IARS1: variants seen among roughly 807,000 people sequenced by gnomAD.
IARS1 encodes isoleucyl-tRNA synthetase 1.
In IARS1, 124 loss-of-function variants were observed where a neutral mutation model predicts 168.2. The ratio of observed to expected loss-of-function variants is 0.74; its 90% confidence interval spans 0.64 to 0.86. IARS1 has a LOEUF of 0.86. IARS1 is among the 40% of genes least tolerant of loss of function. The pLI is 0.00. For missense variants in IARS1, 1,452 were observed against 1,515.8 expected (o/e 0.96, Z 0.70); for synonymous variants, 532 against 529.4 (o/e 1.00, Z -0.07).
chr9:92,221,208 A>G (rs953306127), intron 33 of IARS1, among the ~76,000 whole-genome samples: 8 of 152,166 alleles, frequency 5.3e-5, no homozygotes, highest in African/African-American at 9.6e-5. Flanking sequence ...GGAAAAGAGA[A>G]TAAGAGGTAG....
chr9:92,245,111 CTCT>C (rs1828996711), intron 26 of IARS1, 40 bp from the exon 27 acceptor site: 2 of 1,503,084 alleles, frequency 1.3e-6, no homozygotes, highest in East Asian at 4.5e-5. Context: ...GCTTCCCCTC[CTCT>C]TCAAGCTGCC....
intron 33 of IARS1, among the ~76,000 whole-genome samples, chr9:92,219,532 T>G (rs1456403095): frequency 6.6e-6 from 1 of 150,700 alleles, no homozygotes; most frequent in Non-Finnish European, 1.5e-5. Context: ...GACAAAGGGC[T>G]AATATCCAGA....
intron 31 of IARS1, among the ~76,000 whole-genome samples, chr9:92,225,197 C>A (rs970089201): frequency 6.6e-6 from 1 of 152,202 alleles, no homozygotes; most frequent in African/African-American, 2.4e-5. Context: ...AAGGATTTGC[C>A]ACTGTCACCT....
At chr9:92,276,643 C>A (rs1056642527) in intron 9 of IARS1, among the ~76,000 whole-genome samples, 3 of 152,184 alleles carry the variant, frequency 2.0e-5, no homozygotes, top group Non-Finnish European at 2.9e-5. Context: ...CAGACTCTCC[C>A]CACACGGAAC....
rs749294734 is a variant in IARS1 at position 92,269,991 on chromosome 9, A to G, written c.1206-8T>C. ...ATTAGAGGAGTGTCTGATCTGGGGA[A>G]GCAGAAACACACACATAGCTGCTCA... On this transcript the variant is annotated splice_region_variant and splice_polypyrimidine_tract_variant and intron_variant, in intron 12 of 33. Transcript: ENST00000443024. 38 of 1,591,920 alleles carry G rather than the reference A, an allele frequency of 2.4e-5. No individual in the cohort carries two copies. Among genetic ancestry groups the G allele is most frequent in the Non-Finnish European group, 3.1e-5 (36 of 1,159,934 alleles).
At chr9:92,284,192 A>C (rs1250528171) in intron 6 of IARS1, among the ~76,000 whole-genome samples, 1 of 151,964 alleles carries the variant, frequency 6.6e-6, no homozygotes, top group Non-Finnish European at 1.5e-5. Flanking sequence ...CAACAACAAC[A>C]ACAAAAAGGT....
chr9:92,280,814 G>C lies in IARS1; in HGVS notation c.677C>G (p.Thr226Ser), dbSNP rs1834437450. The C allele has an allele frequency of 6.2e-7, 1 of 1,610,842 alleles. No individual in the cohort carries two copies. Among genetic ancestry groups the C allele is most frequent in the African/African-American group, 1.3e-5 (1 of 74,842 alleles). Reference protein sequence around the residue: ...ETVSLVAWTTTPWTLPSNLAV... With the variant: ...ETVSLVAWTTSPWTLPSNLAV... Reference sequence around the variant, plus strand: ...AAGGTTACTAGGTAGAGTCCAGGGAGTGGTTGTCCAAGCAACTAAAGATAC... The same window carrying C: ...AAGGTTACTAGGTAGAGTCCAGGGACTGGTTGTCCAAGCAACTAAAGATAC... Residue 226 changes from threonine to serine, a missense_variant, in exon 7 of 34, where the codon ACT (threonine) becomes AGT (serine). Coordinates refer to ENST00000443024, the MANE Select transcript of IARS1 (RefSeq NM_002161.6).
chr9:92,279,074 CT>C (rs1458445363), intron 7 of IARS1, among the ~76,000 whole-genome samples: 1 of 152,132 alleles, frequency 6.6e-6, no homozygotes, highest in African/African-American at 2.4e-5. Flanking sequence ...AATTTAAACT[CT>C]CATCATAAGC....
intron 23 of IARS1, 125 bp from the exon 24 acceptor site, chr9:92,250,414 G>A: frequency 4.2e-6 from 3 of 710,220 alleles, no homozygotes; most frequent in South Asian, 1.7e-5. Context: ...TCCTGGTGAA[G>A]CACTGGGGAA....
intron 27 of IARS1, 57 bp from the exon 28 acceptor site, chr9:92,243,368 C>T (rs1828730495): frequency 1.7e-6 from 2 of 1,172,954 alleles, no homozygotes; most frequent in Non-Finnish European, 1.3e-6. Context: ...CACTTCTTCC[C>T]AACTCAGCAA....
chr9:92,267,704 T>C (rs1028575096), intron 14 of IARS1, among the ~76,000 whole-genome samples: 1 of 152,204 alleles, frequency 6.6e-6, no homozygotes, highest in Admixed American at 6.5e-5. Flanking sequence ...AGTGAGGACA[T>C]AGTATATCCA....
At chr9:92,258,043 T>C (rs745382680) in intron 19 of IARS1, among the ~76,000 whole-genome samples, 1 of 152,144 alleles carries the variant, frequency 6.6e-6, no homozygotes, top group Non-Finnish European at 1.5e-5. Context: ...ACAACTATTA[T>C]ATGTGACCCT....
At chr9:92,237,375 T>C (rs1040994522) in intron 30 of IARS1, among the ~76,000 whole-genome samples, 1 of 152,228 alleles carries the variant, frequency 6.6e-6, no homozygotes, top group Non-Finnish European at 1.5e-5. Flanking sequence ...ATAGTTTGAT[T>C]CTACTGTGGT....
chr9:92,221,557 GA>G (rs928499594), intron 33 of IARS1, among the ~76,000 whole-genome samples: 1 of 152,192 alleles, frequency 6.6e-6, no homozygotes, highest in Admixed American at 6.5e-5. Context: ...ATTACAGAAC[GA>G]AACTCAGAGG....
intron 20 of IARS1, among the ~76,000 whole-genome samples, chr9:92,255,429 T>C (rs1830585007): frequency 6.6e-6 from 1 of 152,194 alleles, no homozygotes; most frequent in Admixed American, 6.5e-5. Context: ...CTGTCTGAGG[T>C]GTCCCAGATT....
Position 92,268,299 on chromosome 9 carries a change from C to A in IARS1, c.1306G>T (p.Val436Phe), listed in dbSNP as rs765243077. 12 of 1,608,776 alleles carry A rather than the reference C, an allele frequency of 7.5e-6. No homozygotes were observed. In the South Asian group the frequency reaches 1.2e-4, roughly 16 times the overall value. The change falls in exon 14 of 34, where the codon GTC (valine) becomes TTC (phenylalanine). Residue 436 changes from valine (V) to phenylalanine (F), a missense_variant and splice_region_variant. By Grantham distance (50) the Val-to-Phe change is conservative (BLOSUM62 -1). Coordinates refer to ENST00000443024, the MANE Select transcript of IARS1 (RefSeq NM_002161.6). ...CGTTTTTCTCGTACCAACTCTGGGACCCTGCAATAAACAGATCACATAACC... is the reference window on the plus strand; with the variant it reads ...CGTTTTTCTCGTACCAACTCTGGGAACCTGCAATAAACAGATCACATAACC... Reference protein sequence around the residue: ...LLRNNDLCYWVPELVREKRFG... With the variant: ...LLRNNDLCYWFPELVREKRFG...
rs1262847016 is a variant in IARS1 at position 92,263,027 on chromosome 9, C to T, written c.1729G>A (p.Ala577Thr). Residue 577 changes from alanine (A) to threonine (T), a missense_variant, in exon 17 of 34, where the codon GCC (alanine) becomes ACC (threonine). Coordinates refer to ENST00000443024, the MANE Select transcript of IARS1 (RefSeq NM_002161.6). The stretch of plus-strand genomic sequence containing the variant: ...TTGAAAGGCGGTTGTCCAAAGAGGG[C>T]CGTGGCCAGCACCAGCAGGGTATAA... ...WFYTLLVLAT[A>T]LFGQPPFKNV... The T allele has an allele frequency of 6.2e-7, 1 of 1,613,962 alleles. No individual in the cohort carries two copies. Among genetic ancestry groups the T allele is most frequent in the Non-Finnish European group, 8.5e-7 (1 of 1,179,894 alleles).
At position 92,214,764 on chromosome 9, in the gene IARS1, G is replaced by A. The variant is rs1838357055; in HGVS notation, c.3707-3875C>T. On this transcript the variant is annotated intron_variant, in intron 33 of 33. Transcript: ENST00000443024. Reference sequence around the variant, plus strand: ...GATTATACCCCGCACCTAGCTCGGAGGGTCCTACGCCCACGGAGTCTCGCT... The same window carrying A: ...GATTATACCCCGCACCTAGCTCGGAAGGTCCTACGCCCACGGAGTCTCGCT... 2.6e-5 allele frequency among the ~76,000 whole-genome samples: 4 copies of A among 152,266 alleles called. No homozygotes were observed. In the South Asian group the frequency reaches 8.3e-4, roughly 31 times the overall value.
intron 26 of IARS1, 62 bp from the exon 27 acceptor site, chr9:92,245,133 C>A (rs940977721): frequency 7.9e-7 from 1 of 1,259,902 alleles, no homozygotes; most frequent in Non-Finnish European, 1.2e-6. Context: ...CCCCACTACC[C>A]GTGTATTATG....
Sources: gnomAD v4.1 joint callset for allele counts (sites outside exome capture counted in the v4.1 genomes callset) on GRCh38, gnomAD v4.1.1 for gene constraint, MANE v1.5 for transcripts, NCBI Gene and HGNC (gene_info 2026-07-23, HGNC 2026-07-21) for gene names.